The following HS2ST1 variants were observed in gnomAD, a reference collection of about 807,000 sequenced individuals.
HS2ST1 encodes the protein 2-O-sulfotransferase.
In HS2ST1, 18 loss-of-function variants were observed where a neutral mutation model predicts 42.9. That is an observed-to-expected ratio of 0.42 (90% CI 0.29 to 0.62). The LOEUF is 0.62. Among genes scored for constraint, HS2ST1 ranks in the 20% least tolerant of loss-of-function variants. The probability of loss-of-function intolerance (pLI) is 0.21; values close to 1 mark genes in which losing one functional copy is unlikely to be tolerated. For synonymous variants in HS2ST1, 146 were observed against 152.9 expected (o/e 0.95, Z 0.33); for missense variants, 334 against 433.8 (o/e 0.77, Z 2.04).
chr1:87,031,386 C>T (rs930467796), intron 1 of HS2ST1, among the ~76,000 whole-genome samples: 1 of 152,168 alleles, frequency 6.6e-6, no homozygotes, highest in Non-Finnish European at 1.5e-5. Context: ...CTGGATGATT[C>T]TCATGTTGGG....
At chr1:87,076,237 A>G (rs920972764) in intron 2 of HS2ST1, among the ~76,000 whole-genome samples, 3 of 152,240 alleles carry the variant, frequency 2.0e-5, no homozygotes, top group Non-Finnish European at 4.4e-5. Flanking sequence ...CTAGAGAGAC[A>G]TGGAAACCAA....
At chr1:86,935,756 A>G (rs1318319426) in intron 1 of HS2ST1, among the ~76,000 whole-genome samples, 1 of 151,974 alleles carries the variant, frequency 6.6e-6, no homozygotes, top group Non-Finnish European at 1.5e-5. Flanking sequence ...GAGCCACCAC[A>G]CATGGCCTCA....
At chr1:87,027,948 C>T (rs1474628015) in intron 1 of HS2ST1, among the ~76,000 whole-genome samples, 1 of 152,208 alleles carries the variant, frequency 6.6e-6, no homozygotes, top group Non-Finnish European at 1.5e-5. Flanking sequence ...CCTCGGCCTC[C>T]CGAAGTGCTG....
At chr1:87,081,673 T>C (rs951925665) in intron 2 of HS2ST1, among the ~76,000 whole-genome samples, 1 of 151,550 alleles carries the variant, frequency 6.6e-6, no homozygotes, top group Admixed American at 6.6e-5. Context: ...ATAGAAGAAA[T>C]AATGATGATC....
intron 1 of HS2ST1, among the ~76,000 whole-genome samples, chr1:87,036,910 G>A (rs769798971): frequency 7.2e-5 from 11 of 152,118 alleles, no homozygotes; most frequent in Non-Finnish European, 1.3e-4. Flanking sequence ...TAACTGAAAG[G>A]TTTTGATGCT....
chr1:87,092,637 G>A lies in HS2ST1; in HGVS notation c.556G>A (p.Gly186Arg), dbSNP rs775469093. 3 of 1,545,816 alleles carry A rather than the reference G, an allele frequency of 1.9e-6. No individual in the cohort carries two copies. The highest frequency in any genetic ancestry group is 1.4e-5 in the African/African-American group (1 of 70,726). Residue 186 changes from glycine (G) to arginine (R), a missense_variant, in exon 4 of 7, where the codon GGG (glycine) becomes AGG (arginine). Transcript: ENST00000370550. ...GAGATTTGGAGATGATTATAGACCA[G>A]GGTTACGGAGACGAAAACAAGGAGA... is the stretch of plus-strand genomic sequence containing the variant. ...FLRFGDDYRP[G>R]LRRRKQGDKK...
intron 1 of HS2ST1, among the ~76,000 whole-genome samples, chr1:87,053,428 C>T (rs765258365): frequency 1.6e-4 from 25 of 152,086 alleles, no homozygotes; most frequent in Non-Finnish European, 2.6e-4. Context: ...AATTACAAAG[C>T]TTATATATAA....
chr1:87,045,862 TCA>T (rs1650643517), intron 1 of HS2ST1: 2 of 710,778 alleles, frequency 2.8e-6, no homozygotes, highest in East Asian at 6.0e-5. Flanking sequence ...AAATGAACTC[TCA>T]GAGTCTCAGT....
intron 1 of HS2ST1, among the ~76,000 whole-genome samples, chr1:87,054,719 A>G (rs1379850567): frequency 1.3e-5 from 2 of 152,190 alleles, no homozygotes; most frequent in African/African-American, 4.8e-5. Flanking sequence ...TAATTAAGAA[A>G]TGGTTGTGCT....
chr1:87,019,832 G>A (rs1365148658), intron 1 of HS2ST1, among the ~76,000 whole-genome samples: 1 of 152,190 alleles, frequency 6.6e-6, no homozygotes, highest in Non-Finnish European at 1.5e-5. Context: ...TCAAAGCAGA[G>A]TAACTGAATA....
intron 1 of HS2ST1, among the ~76,000 whole-genome samples, chr1:87,066,522 T>A (rs1651253670): frequency 6.6e-6 from 1 of 152,178 alleles, no homozygotes; most frequent in South Asian, 2.1e-4. Context: ...ATCAAATCTG[T>A]ATATAACTTT....
intron 1 of HS2ST1, among the ~76,000 whole-genome samples, chr1:87,055,894 G>A (rs961186581): frequency 6.6e-6 from 1 of 152,142 alleles, no homozygotes; most frequent in African/African-American, 2.4e-5. Context: ...TGACTATTTT[G>A]TGTATGTCCT....
intron 1 of HS2ST1, among the ~76,000 whole-genome samples, chr1:86,919,249 ATTTG>A (rs1333507342): frequency 5.3e-5 from 8 of 151,830 alleles, no homozygotes; most frequent in African/African-American, 1.9e-4. Flanking sequence ...CCGGCCTCTT[ATTTG>A]TTTTTGTCCA....
In HS2ST1 at chr1:87,092,675, AT is replaced by A; in HGVS notation, c.588+10del. The A allele has an allele frequency of 6.6e-7, 1 of 1,511,216 alleles. No individual in the cohort carries two copies. Among genetic ancestry groups the A allele is most frequent in the Non-Finnish European group, 8.8e-7 (1 of 1,133,536 alleles). 93.6% of individuals were successfully genotyped at this position (1,511,216 alleles called of 1,614,324 possible). A position where few individuals can be genotyped will look rare whatever the true frequency, so the allele number is the denominator to read the frequency against. ...GAAAACAAGGAGACAAAAAGGTAAT[AT>A]TTTAGTTTTAAGATTTTTATAAAGA... On this transcript the variant is annotated splice_region_variant and intron_variant, in intron 4 of 6. Coordinates refer to ENST00000370550, the MANE Select transcript of HS2ST1 (RefSeq NM_012262.4).
At chr1:87,100,766 A>G (rs1652178362) in intron 5 of HS2ST1, among the ~76,000 whole-genome samples, 1 of 152,146 alleles carries the variant, frequency 6.6e-6, no homozygotes, top group Non-Finnish European at 1.5e-5. Flanking sequence ...TCTACAAAAC[A>G]TAAAGTTAGC....
chr1:86,991,079 C>G (rs1648938595), intron 1 of HS2ST1, among the ~76,000 whole-genome samples: 1 of 151,444 alleles, frequency 6.6e-6, no homozygotes, highest in Admixed American at 6.6e-5. Flanking sequence ...TGAAGCTCCA[C>G]TGAGAGAACT....
intron 1 of HS2ST1, among the ~76,000 whole-genome samples, chr1:86,960,301 C>A (rs193293603): frequency 6.6e-6 from 1 of 150,486 alleles, no homozygotes; most frequent in Non-Finnish European, 1.5e-5. Flanking sequence ...TGAATTGTAG[C>A]CTTTAATGTT....
At position 86,931,827 on chromosome 1, in the gene HS2ST1, C is replaced by T. The variant is rs76522335; in HGVS notation, c.124+16667C>T. On this transcript the variant is annotated intron_variant, in intron 1 of 6. Coordinates refer to ENST00000370550, the MANE Select transcript of HS2ST1 (RefSeq NM_012262.4). ...CTTAATACCAGTAATCTTTTTATTT[C>T]TTCTATCAAGTATATTTTGTTTCTG... 3.2e-3 allele frequency among the ~76,000 whole-genome samples: 491 copies of T among 151,654 alleles called. 2 individuals are homozygous for T. The highest frequency in any genetic ancestry group is 0.011 in the African/African-American group (467 of 41,340).
At chr1:87,063,772 AT>A (rs1200252015) in intron 1 of HS2ST1, among the ~76,000 whole-genome samples, 1 of 152,198 alleles carries the variant, frequency 6.6e-6, no homozygotes, top group Non-Finnish European at 1.5e-5. Flanking sequence ...TCTTTGATAA[AT>A]TTTAACATTC....
Sources: gnomAD v4.1 joint callset for allele counts (sites outside exome capture counted in the v4.1 genomes callset) on GRCh38, gnomAD v4.1.1 for gene constraint, MANE v1.5 for transcripts, NCBI Gene and HGNC (gene_info 2026-07-23, HGNC 2026-07-21) for gene names.